The following ATF6 variants were observed in gnomAD, a reference collection of about 807,000 sequenced individuals.
The protein encoded by ATF6 is activating transcription factor 6, also known as cyclic AMP-dependent transcription factor ATF-6 alpha.
Under a neutral mutation model 83.6 loss-of-function variants are expected in ATF6, and 53 were observed. That is an observed-to-expected ratio of 0.63 (90% CI 0.51 to 0.80). ATF6 has a LOEUF of 0.80. ATF6 is among the 30% of genes least tolerant of loss of function. The probability of loss-of-function intolerance (pLI) is 0.00; values close to 1 mark genes in which losing one functional copy is unlikely to be tolerated. For missense variants in ATF6, 744 were observed against 797.9 expected (o/e 0.93, Z 0.81); for synonymous variants, 288 against 285.8 (o/e 1.01, Z -0.08).
chr1:161,800,518 T>A (rs1237487518), intron 6 of ATF6, among the ~76,000 whole-genome samples: 1 of 152,144 alleles, frequency 6.6e-6, no homozygotes, highest in Non-Finnish European at 1.5e-5. Flanking sequence ...ATTCACAAAT[T>A]CACACCTAAG....
chr1:161,920,296 T>C (rs143719285), intron 15 of ATF6, among the ~76,000 whole-genome samples: 1 of 51,274 alleles, frequency 2.0e-5, no homozygotes, highest in Non-Finnish European at 4.1e-5. Flanking sequence ...CTCTCTCTCT[T>C]TTTTTTTTTT....
chr1:161,876,545 G>A (rs148089916), intron 14 of ATF6, among the ~76,000 whole-genome samples: 36 of 151,998 alleles, frequency 2.4e-4, no homozygotes, highest in African/African-American at 8.7e-4. Context: ...TCACACCTGT[G>A]TTTAAAATAT....
At chr1:161,823,933 G>A (rs953151769) in intron 9 of ATF6, among the ~76,000 whole-genome samples, 2 of 152,036 alleles carry the variant, frequency 1.3e-5, no homozygotes, top group East Asian at 1.9e-4. Context: ...GTTGATATGT[G>A]TACATAAAAT....
chr1:161,941,940 G>A (rs935862652), intron 15 of ATF6, among the ~76,000 whole-genome samples: 6 of 151,714 alleles, frequency 4.0e-5, no homozygotes, highest in South Asian at 4.2e-4. Context: ...TCGAAGTCAC[G>A]TCCTACTCCT....
At chr1:161,917,763 A>G (rs1002501625) in intron 15 of ATF6, among the ~76,000 whole-genome samples, 1 of 152,228 alleles carries the variant, frequency 6.6e-6, no homozygotes, top group Non-Finnish European at 1.5e-5. Context: ...AACAAAGTTA[A>G]TATACATTGA....
Position 161,801,179 on chromosome 1 carries a change from G to A in ATF6, c.689-873G>A, listed in dbSNP as rs578071712. ...ACCTCTAATAATTCTCGTCAGATTAGCATAAATTTAAAATAATGATACCTC... is the reference window on the plus strand; with the variant it reads ...ACCTCTAATAATTCTCGTCAGATTAACATAAATTTAAAATAATGATACCTC... On this transcript the variant is annotated intron_variant, in intron 6 of 15. Coordinates refer to ENST00000367942, the MANE Select transcript of ATF6 (RefSeq NM_007348.4). 8.5e-5 allele frequency among the ~76,000 whole-genome samples: 13 copies of A among 152,140 alleles called. No individual in the cohort carries two copies. The East Asian group carries it at 2.5e-3, about 29-fold the overall frequency.
intron 7 of ATF6, among the ~76,000 whole-genome samples, chr1:161,813,576 T>G (rs896189574): frequency 3.9e-5 from 6 of 152,220 alleles, no homozygotes; most frequent in African/African-American, 1.4e-4. Context: ...CCTTTTTCTT[T>G]TATTCTGTCC....
intron 14 of ATF6, among the ~76,000 whole-genome samples, chr1:161,875,842 G>A (rs751959627): frequency 4.0e-5 from 6 of 151,724 alleles, no homozygotes; most frequent in Non-Finnish European, 5.9e-5. Flanking sequence ...CCATTTTGTC[G>A]TACAGAATAT....
At chr1:161,807,647 C>A (rs1190032370) in intron 7 of ATF6, among the ~76,000 whole-genome samples, 1 of 152,058 alleles carries the variant, frequency 6.6e-6, no homozygotes, top group Non-Finnish European at 1.5e-5. Context: ...TAAATATTTG[C>A]AGTATCTCTT....
At chr1:161,928,979 A>G (rs1688378074) in intron 15 of ATF6, among the ~76,000 whole-genome samples, 1 of 152,206 alleles carries the variant, frequency 6.6e-6, no homozygotes, top group African/African-American at 2.4e-5. Flanking sequence ...AGGGAGCCTC[A>G]TTTGGCATAT....
At chr1:161,860,081 A>C in intron 12 of ATF6, 126 bp from the exon 13 acceptor site, 1 of 499,240 alleles carries the variant, frequency 2.0e-6, no homozygotes. Context: ...AATTATTTGA[A>C]CTGAATATGT....
chr1:161,842,154 G>T (rs1170477486), intron 9 of ATF6, among the ~76,000 whole-genome samples: 4 of 152,064 alleles, frequency 2.6e-5, no homozygotes, highest in Admixed American at 2.0e-4. Context: ...TTTCCAAACT[G>T]TCCACTTCTG....
At chr1:161,849,894 A>G (rs921971270) in intron 10 of ATF6, among the ~76,000 whole-genome samples, 3 of 152,024 alleles carry the variant, frequency 2.0e-5, no homozygotes, top group African/African-American at 7.3e-5. Flanking sequence ...CTTCCAACCA[A>G]TTTTCTACAA....
At chr1:161,900,389 ATAAT>A (rs1687758677) in intron 14 of ATF6, among the ~76,000 whole-genome samples, 1 of 152,194 alleles carries the variant, frequency 6.6e-6, no homozygotes, top group African/African-American at 2.4e-5. Context: ...GGCATGAAAA[ATAAT>A]TAACAGATGA....
At chr1:161,869,910 T>C (rs371907753) in intron 14 of ATF6, among the ~76,000 whole-genome samples, 10 of 151,930 alleles carry the variant, frequency 6.6e-5, no homozygotes, top group Admixed American at 2.0e-4. Context: ...TTCTTAGTCC[T>C]ATTTTATGGC....
intron 7 of ATF6, among the ~76,000 whole-genome samples, chr1:161,804,608 G>A (rs1685233334): frequency 6.6e-6 from 1 of 151,814 alleles, no homozygotes; most frequent in African/African-American, 2.4e-5. Flanking sequence ...AATATAGAAA[G>A]GTTTCTTCTA....
At position 161,819,730 on chromosome 1, in the gene ATF6, C is replaced by T. The variant is rs141227581; in HGVS notation, c.1007C>T (p.Ala336Val). The T allele has an allele frequency of 1.9e-5, 30 of 1,612,494 alleles. No individual in the cohort carries two copies. Among genetic ancestry groups the T allele is most frequent in the African/African-American group, 8.0e-5 (6 of 74,780 alleles). The change falls in exon 8 of 16, where the codon GCG becomes GTG. Residue 336 changes from alanine to valine, a missense_variant. Transcript: ENST00000367942. ...AAAGAATATATGCTAGGGTTAGAGG[C>T]GAGATTAAAGGCTGCCCTCTCAGAA... ...KKKEYMLGLE[A>V]RLKAALSENE...
chr1:161,927,089 A>G (rs925835922), intron 15 of ATF6, among the ~76,000 whole-genome samples: 8 of 152,082 alleles, frequency 5.3e-5, no homozygotes, highest in African/African-American at 1.9e-4. Flanking sequence ...GAGTTAATTT[A>G]CTGGAAAACA....
intron 12 of ATF6, among the ~76,000 whole-genome samples, chr1:161,858,261 T>C (rs1280620044): frequency 6.6e-6 from 1 of 152,212 alleles, no homozygotes; most frequent in Non-Finnish European, 1.5e-5. Context: ...GATGGTAGAC[T>C]TAAATCCAAC....
Sources: allele counts gnomAD v4.1 joint callset (sites outside exome capture counted in the v4.1 genomes callset), GRCh38; gene constraint gnomAD v4.1.1; transcripts MANE v1.5; gene names NCBI Gene and HGNC (gene_info 2026-07-23, HGNC 2026-07-21).